The following RFC3 variants were observed in gnomAD, a reference collection of about 807,000 sequenced individuals.
The protein encoded by RFC3 is A1 38 kDa subunit.
A neutral mutation model predicts 45.1 loss-of-function variants in RFC3; 41 were observed. That is an observed-to-expected ratio of 0.91 (90% CI 0.71 to 1.18). The LOEUF (loss-of-function observed/expected upper bound fraction) is 1.18. Among genes scored for constraint, RFC3 ranks in the 50% most tolerant of loss-of-function variants. The pLI is 0.00. For missense variants in RFC3, 423 were observed against 428.1 expected (o/e 0.99, Z 0.10); for synonymous variants, 149 against 144.0 (o/e 1.03, Z -0.25).
rs1393442208 is a variant in RFC3 at position 33,818,193 on chromosome 13, G to T, written c.15G>T (p.Val5=). 2 of 1,613,606 alleles carry T rather than the reference G, an allele frequency of 1.2e-6. No homozygotes were observed. Among genetic ancestry groups the T allele is most frequent in the Non-Finnish European group, 1.7e-6 (2 of 1,179,896 alleles). The change falls in exon 1 of 9, where the codon GTG becomes GTT. Residue 5 remains valine (V), a synonymous_variant. Transcript: ENST00000380071. MSLW[V]DKYRPCSLGR... ...CTCGAGCTGCCATGAGCCTCTGGGT[G>T]GACAAGTATCGGCCCTGCTCCTTGG...
intron 8 of RFC3, among the ~76,000 whole-genome samples, chr13:33,898,847 C>T (rs1442955314): frequency 1.3e-5 from 2 of 151,444 alleles, no homozygotes; most frequent in African/African-American, 4.8e-5. Context: ...ACACAAAATC[C>T]TTAGAGACTG....
At position 33,829,916 on chromosome 13, in the gene RFC3, A is replaced by G. The variant is rs2082086179; in HGVS notation, c.472A>G (p.Thr158Ala). 1.9e-6 allele frequency: 3 copies of G among 1,613,906 alleles called. No individual in the cohort carries two copies. The highest frequency in any genetic ancestry group is 2.5e-6 in the Non-Finnish European group (3 of 1,179,890). The change falls in exon 5 of 9, where the codon ACC becomes GCC. Residue 158 changes from threonine (T) to alanine (A), a missense_variant. By Grantham distance (58) the Thr-to-Ala change is moderately conservative. Transcript: ENST00000380071. ...AAGAACCATGGAAAAATATATGTCT[A>G]CCTGCAGATTGATCTTGTGCTGCAA... ...LRRTMEKYMS[T>A]CRLILCCNST...
At chr13:33,977,277 TG>T in the RFC3 span, among the ~76,000 whole-genome samples, 15 of 152,172 alleles carry the variant, frequency 9.9e-5, no homozygotes, top group African/African-American at 3.1e-4. Flanking sequence ...CAATAGAAGA[TG>T]TTAATAATGA....
At chr13:33,956,874 A>G (rs746025495) in intron 8 of RFC3, among the ~76,000 whole-genome samples, 2 of 152,210 alleles carry the variant, frequency 1.3e-5, no homozygotes, top group East Asian at 1.9e-4. Flanking sequence ...AATCTTGTAC[A>G]TCTCTCTTTT....
intron 8 of RFC3, chr13:33,850,101 TAAA>T (rs971255714): frequency 6.6e-6 from 1 of 152,210 alleles, no homozygotes; most frequent in African/African-American, 2.4e-5. Flanking sequence ...TTGATTTTCT[TAAA>T]AAATCAAATT....
intron 8 of RFC3, among the ~76,000 whole-genome samples, chr13:33,861,667 A>C (rs565753408): frequency 1.3e-5 from 2 of 152,088 alleles, no homozygotes; most frequent in South Asian, 4.2e-4. Context: ...AAAACGGAAA[A>C]ATGATCACAT....
chr13:33,910,824 G>A lies in RFC3; in HGVS notation c.880-55263G>A, dbSNP rs182110748. Among the ~76,000 whole-genome samples the A allele has an allele frequency of 7.4e-3, 1,121 of 152,154 alleles. 8 individuals carry two copies. The highest frequency in any genetic ancestry group is 0.013 in the Non-Finnish European group (868 of 67,984). ...ATGCTGGCATCTGCTCAGCTTCTGG[G>A]GAGGCCTCAGGAAAACTTACAATCA... On this transcript the variant is annotated intron_variant, in intron 8 of 8. Transcript: ENST00000434425.
chr13:33,870,215 A>G (rs995322244), intron 8 of RFC3, among the ~76,000 whole-genome samples: 2 of 152,242 alleles, frequency 1.3e-5, no homozygotes, highest in Admixed American at 1.3e-4. Context: ...AGGGCAAAGC[A>G]TTGCCTGGTT....
intron 8 of RFC3, among the ~76,000 whole-genome samples, chr13:33,874,373 A>C (rs1477709852): frequency 6.6e-6 from 1 of 152,126 alleles, no homozygotes; most frequent in East Asian, 1.9e-4. Flanking sequence ...GCTGGAGTGC[A>C]GTGGTGCAGT....
intron 3 of RFC3, 136 bp from the exon 4 acceptor site, chr13:33,825,653 A>T (rs976668140): frequency 1.4e-5 from 6 of 422,962 alleles, no homozygotes; most frequent in Non-Finnish European, 2.5e-5. Context: ...AAAACTTTTT[A>T]CTTTTGAAGG....
At chr13:33,956,758 A>G (rs1333849690) in intron 8 of RFC3, among the ~76,000 whole-genome samples, 3 of 152,238 alleles carry the variant, frequency 2.0e-5, no homozygotes, top group Non-Finnish European at 4.4e-5. Context: ...CAGGAAAATA[A>G]TCCCTGCTTT....
In RFC3 at chr13:33,836,084, T is replaced by A. The variant is rs1410197835; in HGVS notation, c.880-20T>A. 6.3e-7 allele frequency: 1 copy of A among 1,589,614 alleles called. No homozygotes were observed. The highest frequency in any genetic ancestry group is 8.6e-7 in the Non-Finnish European group (1 of 1,163,768). On this transcript the variant is annotated intron_variant, in intron 8 of 8. Transcript: ENST00000380071. ...CTGTTTTTATTAATGATTTTTAAAT[T>A]ACTGATTATTTTTGTTTAGGGCCTT...
At chr13:33,950,592 A>G (rs182634673) in intron 8 of RFC3, among the ~76,000 whole-genome samples, 3 of 152,344 alleles carry the variant, frequency 2.0e-5, no homozygotes, top group African/African-American at 7.2e-5. Flanking sequence ...CCCTGGCAAC[A>G]TGGAAGAAAG....
downstream of RFC3, among the ~76,000 whole-genome samples, chr13:33,967,391 G>A (rs1008298142): frequency 6.6e-6 from 1 of 151,546 alleles, no homozygotes; most frequent in South Asian, 2.1e-4. Context: ...TACTATTTAA[G>A]ATCTCTTCTG....
At chr13:33,830,425 A>G (rs965671418) in intron 5 of RFC3, among the ~76,000 whole-genome samples, 2 of 152,202 alleles carry the variant, frequency 1.3e-5, no homozygotes, top group Non-Finnish European at 2.9e-5. Flanking sequence ...ATTAATATGA[A>G]TATATATACA....
chr13:33,886,225 C>A (rs2082521634), intron 8 of RFC3, among the ~76,000 whole-genome samples: 1 of 152,092 alleles, frequency 6.6e-6, no homozygotes. Context: ...CTGAACTACC[C>A]TAGAACCACT....
At chr13:33,957,642 C>T (rs1362620284) in intron 8 of RFC3, among the ~76,000 whole-genome samples, 2 of 152,088 alleles carry the variant, frequency 1.3e-5, no homozygotes, top group African/African-American at 4.8e-5. Context: ...AACTGTGAGG[C>T]CCGGAAGCTC....
intron 1 of RFC3, among the ~76,000 whole-genome samples, chr13:33,818,931 C>T (rs2081975544): frequency 1.4e-5 from 2 of 139,640 alleles, no homozygotes; most frequent in African/African-American, 5.4e-5. Flanking sequence ...GCTGTTGTCG[C>T]CCAGGCTGGA....
chr13:33,880,267 G>A (rs566074132), intron 8 of RFC3, among the ~76,000 whole-genome samples: 1 of 152,268 alleles, frequency 6.6e-6, no homozygotes, highest in Admixed American at 6.5e-5. Flanking sequence ...AAAGACAACA[G>A]GATTCTAATA....
Sources: allele counts gnomAD v4.1 joint callset (sites outside exome capture counted in the v4.1 genomes callset), GRCh38; gene constraint gnomAD v4.1.1; transcripts MANE v1.5; gene names NCBI Gene and HGNC (gene_info 2026-07-23, HGNC 2026-07-21).